The following NADSYN1 variants were observed in gnomAD, a reference collection of about 807,000 sequenced individuals.
NADSYN1 encodes the protein NAD synthetase 1.
Under a neutral mutation model 99.3 loss-of-function variants are expected in NADSYN1, and 80 were observed. The observed-to-expected ratio is 0.81, with a 90% CI of 0.67 to 0.97. NADSYN1 has a LOEUF of 0.97. Among genes scored for constraint, NADSYN1 ranks in the 50% least tolerant of loss-of-function variants. The pLI is 0.00. For missense variants in NADSYN1, 859 were observed against 948.5 expected (o/e 0.91, Z 1.24); for synonymous variants, 385 against 372.1 (o/e 1.03, Z -0.40).
chr11:71,493,611 A>G (rs1949798967), intron 18 of NADSYN1, among the ~76,000 whole-genome samples: 1 of 152,192 alleles, frequency 6.6e-6, no homozygotes, highest in Non-Finnish European at 1.5e-5. Context: ...AATAGAGAAA[A>G]GCTTATAGAA....
At chr11:71,482,491 G>C (rs988902356) in intron 13 of NADSYN1, among the ~76,000 whole-genome samples, 2 of 151,136 alleles carry the variant, frequency 1.3e-5, no homozygotes, top group Non-Finnish European at 3.0e-5. Context: ...GCTGTAGACC[G>C]GGGTGCAGCC....
chr11:71,493,244 A>G (rs1949795919), intron 18 of NADSYN1, among the ~76,000 whole-genome samples: 2 of 152,092 alleles, frequency 1.3e-5, no homozygotes, highest in African/African-American at 4.8e-5. Flanking sequence ...TTAAGGTTGC[A>G]CTTCTTTTGC....
chr11:71,492,557 C>T (rs1421823940), intron 18 of NADSYN1, among the ~76,000 whole-genome samples: 2 of 152,110 alleles, frequency 1.3e-5, no homozygotes, highest in Admixed American at 6.5e-5. Context: ...TATCTTGGCA[C>T]CCTTGTTGTA....
chr11:71,491,094 C>G, intron 17 of NADSYN1, 118 bp downstream of exon 17: 1 of 1,395,716 alleles, frequency 7.2e-7, no homozygotes, highest in Non-Finnish European at 9.7e-7. Flanking sequence ...CTGAATGGTC[C>G]TGCCCCTGAG....
At chr11:71,476,429 G>GGAAGAC (rs1392834179) in intron 9 of NADSYN1, 1 of 305,438 alleles carries the variant, frequency 3.3e-6, no homozygotes, top group African/African-American at 2.2e-5. Context: ...GATTCTGTCT[G>GGAAGAC]GTGCTTTCTG....
At chr11:71,463,360 C>T in intron 3 of NADSYN1, 72 bp from the exon 4 acceptor site, 2 of 1,347,726 alleles carry the variant, frequency 1.5e-6, no homozygotes, top group Non-Finnish European at 2.1e-6. Context: ...TCCAGAGCTG[C>T]AGCCGCTGCC....
chr11:71,470,482 A>G (rs1440714789), intron 5 of NADSYN1, among the ~76,000 whole-genome samples: 1 of 152,230 alleles, frequency 6.6e-6, no homozygotes, highest in Non-Finnish European at 1.5e-5. Context: ...CACTGGGCTT[A>G]TTTTAATATC....
chr11:71,460,503 A>C (rs185424939), intron 3 of NADSYN1, among the ~76,000 whole-genome samples: 1 of 152,242 alleles, frequency 6.6e-6, no homozygotes, highest in Admixed American at 6.5e-5. Context: ...GGTGCACACC[A>C]GTACACCTGG....
At chr11:71,454,445 C>G (rs1949500017) in intron 1 of NADSYN1, among the ~76,000 whole-genome samples, 1 of 152,250 alleles carries the variant, frequency 6.6e-6, no homozygotes, top group Admixed American at 6.5e-5. Flanking sequence ...CTCCTGACCT[C>G]AAGTGATCCA....
chr11:71,494,744 G>A (rs182534416), intron 18 of NADSYN1, among the ~76,000 whole-genome samples: 30 of 152,124 alleles, frequency 2.0e-4, no homozygotes, highest in Admixed American at 8.5e-4. Context: ...TAGTAGAGAC[G>A]GGGTTTTTCC....
Position 71,481,773 on chromosome 11 carries a change from C to T in NADSYN1, c.1048-150C>T, listed in dbSNP as rs7946818. 1.6e-3 allele frequency: 1,048 copies of T among 641,162 alleles called. 14 individuals are homozygous for T. The African/African-American group carries it at 0.017, about 11-fold the overall frequency. 39.7% of individuals were successfully genotyped at this position (641,162 alleles called of 1,614,324 possible). A position where few individuals can be genotyped will look rare whatever the true frequency, so the allele number is the denominator to read the frequency against. Reference sequence around the variant, plus strand: ...AAAAATCCATTCATCCTGCCACGTGCGGGTATTTGTCCTGACCCCATGGAA... The same window carrying T: ...AAAAATCCATTCATCCTGCCACGTGTGGGTATTTGTCCTGACCCCATGGAA... On this transcript the variant is annotated intron_variant, in intron 12 of 20. Coordinates refer to ENST00000319023, the MANE Select transcript of NADSYN1 (RefSeq NM_018161.5).
intron 2 of NADSYN1, among the ~76,000 whole-genome samples, chr11:71,456,313 T>G (rs1380582026): frequency 6.6e-6 from 1 of 152,256 alleles, no homozygotes; most frequent in Non-Finnish European, 1.5e-5. Flanking sequence ...TGTTCTTTAA[T>G]TTGTCTTCAT....
rs758199268 is a variant in NADSYN1, at chr11:71,455,137, C to T, written c.113C>T (p.Ala38Val). 2 of 1,613,996 alleles carry T rather than the reference C, an allele frequency of 1.2e-6. No individual in the cohort carries two copies. The highest frequency in any genetic ancestry group is 3.3e-5 in the Admixed American group (2 of 59,986). Residue 38 changes from alanine to valine, a missense_variant, in exon 2 of 21, where the codon GCA (alanine) becomes GTA (valine). Coordinates refer to ENST00000319023, the MANE Select transcript of NADSYN1 (RefSeq NM_018161.5). ...KSIEIAKNRG[A>V]RYRLGPELEI... ...ATTGAAATTGCCAAAAACAGAGGAG[C>T]AAGATACAGGCTTGGACCAGAGCTG...
At chr11:71,465,070 A>T (rs542973920) in intron 5 of NADSYN1, among the ~76,000 whole-genome samples, 4 of 152,038 alleles carry the variant, frequency 2.6e-5, no homozygotes, top group Non-Finnish European at 5.9e-5. Context: ...TAGAGAAGGT[A>T]TGAAAGTATG....
Position 71,482,971 on chromosome 11 carries a change from C to T in NADSYN1, c.1273C>T (p.Gln425Ter), listed in dbSNP as rs1949719355. The change falls in exon 14 of 21, where the codon CAG (glutamine) becomes TAG (stop). Residue 425 changes from glutamine to a stop codon, truncating the protein, a stop_gained. Coordinates refer to ENST00000319023, the MANE Select transcript of NADSYN1 (RefSeq NM_018161.5). LOFTEE classifies it high-confidence loss of function. ...CTACATGGCCAGCAAGAACTCCTCCCAGGAGACGTGCACCCGGGCCAGAGA... is the reference window on the plus strand; with the variant it reads ...CTACATGGCCAGCAAGAACTCCTCCTAGGAGACGTGCACCCGGGCCAGAGA... ...TCYMASKNSS[Q>*]ETCTRARELA... 1 of 1,612,884 alleles carries T rather than the reference C, an allele frequency of 6.2e-7. No homozygotes were observed.
chr11:71,496,497 G>C (rs2120522557), intron 18 of NADSYN1: 1 of 152,462 alleles, frequency 6.6e-6, no homozygotes, highest in Middle Eastern at 3.4e-3. Context: ...ACGGGAGGCG[G>C]AGTTCAGGCG....
chr11:71,482,764 C>T (rs1949717812), intron 13 of NADSYN1, 85 bp from the exon 14 acceptor site: 5 of 1,457,398 alleles, frequency 3.4e-6, no homozygotes, highest in African/African-American at 1.4e-5. Context: ...CGCATGGGCA[C>T]CTGGGGGTGT....
chr11:71,501,472 C>A lies in NADSYN1; in HGVS notation c.*120C>A. 1.1e-6 allele frequency: 1 copy of A among 904,846 alleles called. No individual in the cohort carries two copies. Among genetic ancestry groups the A allele is most frequent in the South Asian group, 1.6e-5 (1 of 62,510 alleles). 56.1% of individuals were successfully genotyped at this position (904,846 alleles called of 1,614,324 possible). ...GCCCAGGATGGGACGGCGCATCAGC[C>A]GAGAGGGAGGGAACTTTTCAGTCAA... On this transcript the variant is annotated 3_prime_UTR_variant, in exon 21 of 21. Transcript: ENST00000319023.
intron 10 of NADSYN1, chr11:71,478,833 G>A (rs928949091): frequency 1.9e-5 from 4 of 215,834 alleles, no homozygotes; most frequent in African/African-American, 6.7e-5. Context: ...GGCACACAGT[G>A]TGCAGCCGAG....
Sources: allele counts gnomAD v4.1 joint callset (sites outside exome capture counted in the v4.1 genomes callset), GRCh38; gene constraint gnomAD v4.1.1; transcripts MANE v1.5; gene names NCBI Gene and HGNC (gene_info 2026-07-23, HGNC 2026-07-21).